The following F13A1 variants were observed in gnomAD, a reference collection of about 807,000 sequenced individuals.
F13A1 encodes the protein FSF, A subunit.
In F13A1, 47 loss-of-function variants were observed where a neutral mutation model predicts 80.1. The ratio of observed to expected loss-of-function variants is 0.59; its 90% confidence interval spans 0.46 to 0.75. The LOEUF is 0.75. F13A1 is among the 30% of genes least tolerant of loss of function. F13A1 has a pLI of 0.00. For missense variants in F13A1, 817 were observed against 930.4 expected (o/e 0.88, Z 1.59); for synonymous variants, 349 against 344.9 (o/e 1.01, Z -0.13).
At chr6:6,260,056 C>T (rs1225112380) in intron 4 of F13A1, among the ~76,000 whole-genome samples, 1 of 152,228 alleles carries the variant, frequency 6.6e-6, no homozygotes, top group African/African-American at 2.4e-5. Flanking sequence ...GCCCGTCTCA[C>T]TCCTGCTGCC....
chr6:6,286,458 T>C (rs1256177451), intron 3 of F13A1, among the ~76,000 whole-genome samples: 1 of 152,240 alleles, frequency 6.6e-6, no homozygotes, highest in Non-Finnish European at 1.5e-5. Context: ...CTTGGCCCTT[T>C]TCCAAGTGTA....
intron 4 of F13A1, among the ~76,000 whole-genome samples, chr6:6,265,086 C>G (rs988331945): frequency 5.3e-5 from 8 of 152,122 alleles, no homozygotes; most frequent in African/African-American, 1.9e-4. Context: ...CATAGTGACA[C>G]CACGTCTCTA....
At chr6:6,289,540 A>G (rs1474898699) in intron 3 of F13A1, among the ~76,000 whole-genome samples, 2 of 152,174 alleles carry the variant, frequency 1.3e-5, no homozygotes, top group Non-Finnish European at 2.9e-5. Context: ...ATACAAACTC[A>G]TGCAGCATCC....
intron 2 of F13A1, among the ~76,000 whole-genome samples, chr6:6,315,967 A>G (rs1275862269): frequency 6.7e-6 from 1 of 150,290 alleles, no homozygotes; most frequent in Non-Finnish European, 1.5e-5. Flanking sequence ...CTTGATATAT[A>G]GTGCCAGAAA....
Position 6,167,552 on chromosome 6 carries a change from A to C in F13A1, c.1814T>G (p.Leu605Arg). The C allele has an allele frequency of 6.2e-7, 1 of 1,614,118 alleles. No homozygotes were observed. Among genetic ancestry groups the C allele is most frequent in the Non-Finnish European group, 8.5e-7 (1 of 1,180,018 alleles). ...YMGQLLEQAS[L>R]HFFVTARINE... ...GATGCGAGCTGTGACAAAGAAGTGCAGGGACGCTTGTTCCAGCAGCTGACC... is the reference window on the plus strand; with the variant it reads ...GATGCGAGCTGTGACAAAGAAGTGCCGGGACGCTTGTTCCAGCAGCTGACC... The change falls in exon 13 of 15, where the codon CTG becomes CGG. Residue 605 changes from leucine to arginine, a missense_variant. Leu to Arg is a moderately radical substitution (Grantham distance 102). Transcript: ENST00000264870.
intron 13 of F13A1, among the ~76,000 whole-genome samples, chr6:6,154,748 G>A (rs547415964): frequency 6.6e-6 from 1 of 152,290 alleles, no homozygotes; most frequent in African/African-American, 2.4e-5. Flanking sequence ...TCTCAAGTGT[G>A]TCCAATATAT....
rs535122955 is a variant in F13A1, at chr6:6,162,087, G to A, written c.1908+5371C>T. ...GAAGGGAGGAAGAAAAAGCGGCTCC[G>A]ACTTGTGGGAGAGCAGAGTTGACAA... On this transcript the variant is annotated intron_variant, in intron 13 of 14. Transcript: ENST00000264870. The surrounding 1 kb of genome is among the most constrained non-coding windows in gnomAD (Gnocchi z 4.2). 7.9e-5 allele frequency among the ~76,000 whole-genome samples: 12 copies of A among 152,272 alleles called. No homozygotes were observed. The highest frequency in any genetic ancestry group is 7.7e-4 in the East Asian group (4 of 5,180).
At chr6:6,200,068 C>T (rs1158432931) in intron 8 of F13A1, among the ~76,000 whole-genome samples, 1 of 152,038 alleles carries the variant, frequency 6.6e-6, no homozygotes, top group Non-Finnish European at 1.5e-5. Flanking sequence ...ATGACCAGCC[C>T]AATTCTGGGC....
intron 13 of F13A1, among the ~76,000 whole-genome samples, chr6:6,160,213 G>T (rs1760549073): frequency 1.3e-5 from 2 of 149,030 alleles, no homozygotes; most frequent in African/African-American, 2.5e-5. Context: ...GGAGACGAAG[G>T]TTGCAGTGAG....
intron 4 of F13A1, among the ~76,000 whole-genome samples, chr6:6,255,325 CAT>C (rs1426094236): frequency 5.3e-5 from 8 of 152,126 alleles, no homozygotes; most frequent in Non-Finnish European, 1.2e-4. Flanking sequence ...CATCAACACT[CAT>C]AACATCCTTG....
chr6:6,291,852 G>A (rs898817361), intron 3 of F13A1, among the ~76,000 whole-genome samples: 22 of 152,080 alleles, frequency 1.4e-4, no homozygotes, highest in African/African-American at 5.1e-4. Flanking sequence ...ATTATCTCCT[G>A]TCCAACCCAA....
In F13A1 at chr6:6,167,507, A is replaced by G; in HGVS notation, c.1859T>C (p.Leu620Pro). The G allele has an allele frequency of 6.2e-7, 1 of 1,614,130 alleles. No individual in the cohort carries two copies. The highest frequency in any genetic ancestry group is 8.5e-7 in the Non-Finnish European group (1 of 1,180,022). The change falls in exon 13 of 15, where the codon CTG becomes CCG. Residue 620 changes from leucine to proline, a missense_variant. Transcript: ENST00000264870. Reference protein sequence around the residue: ...TARINETRDVLAKQKSTVLTI... With the variant: ...TARINETRDVPAKQKSTVLTI... ...TAGCACGGTGGACTTTTGCTTGGCC[A>G]GAACATCCCTGGTCTCATTGATGCG...
chr6:6,174,955 G>A, intron 11 of F13A1, 88 bp from the exon 12 acceptor site: 1 of 1,490,144 alleles, frequency 6.7e-7, no homozygotes, highest in South Asian at 1.2e-5. Flanking sequence ...TACTGCACTT[G>A]TTGGGGTGTT....
chr6:6,289,188 G>A (rs1191856476), intron 3 of F13A1, among the ~76,000 whole-genome samples: 1 of 152,140 alleles, frequency 6.6e-6, no homozygotes, highest in Non-Finnish European at 1.5e-5. Flanking sequence ...GTGATGGGGG[G>A]TGGGGTAAAG....
chr6:6,261,545 C>T (rs1757781431), intron 4 of F13A1, among the ~76,000 whole-genome samples: 1 of 152,278 alleles, frequency 6.6e-6, no homozygotes, highest in African/African-American at 2.4e-5. Flanking sequence ...CAGACCTACT[C>T]AACCTGAGGG....
intron 6 of F13A1, among the ~76,000 whole-genome samples, chr6:6,233,182 T>C (rs1478260877): frequency 6.6e-6 from 1 of 151,968 alleles, no homozygotes; most frequent in African/African-American, 2.4e-5. Context: ...TTTAAAAAGA[T>C]AAATAAAATT....
At chr6:6,212,973 T>G (rs1761646812) in intron 8 of F13A1, among the ~76,000 whole-genome samples, 2 of 152,064 alleles carry the variant, frequency 1.3e-5, no homozygotes, top group South Asian at 4.2e-4. Context: ...AAGGGAAGTT[T>G]AGAGAAAAAA....
intron 10 of F13A1, among the ~76,000 whole-genome samples, chr6:6,195,154 A>T (rs1197585958): frequency 2.0e-5 from 3 of 152,232 alleles, no homozygotes; most frequent in African/African-American, 4.8e-5. Context: ...AGTATCCTTT[A>T]ACAGCCTGTT....
intron 8 of F13A1, among the ~76,000 whole-genome samples, chr6:6,208,033 A>G (rs1366903958): frequency 6.6e-6 from 1 of 152,248 alleles, no homozygotes; most frequent in African/African-American, 2.4e-5. Flanking sequence ...AGTATAGCCC[A>G]TACACAGGAA....
Sources: gnomAD v4.1 joint callset for allele counts (sites outside exome capture counted in the v4.1 genomes callset) on GRCh38, gnomAD v4.1.1 for gene constraint, Gnocchi (gnomAD v3.1) non-coding constraint, MANE v1.5 for transcripts, NCBI Gene and HGNC (gene_info 2026-07-23, HGNC 2026-07-21) for gene names.